The following PPARGC1A variants were observed in gnomAD, a reference collection of about 807,000 sequenced individuals.
PPARGC1A encodes peroxisome proliferator-activated receptor gamma coactivator 1-alpha.
PPARGC1A carries 25 observed loss-of-function variants against 88.7 expected under a neutral mutation model. That is an observed-to-expected ratio of 0.28 (90% CI 0.21 to 0.39). PPARGC1A has a LOEUF of 0.39. Ranked by LOEUF, PPARGC1A falls within the 10% of genes least tolerant of loss-of-function variation. PPARGC1A has a pLI of 1.00. For synonymous variants in PPARGC1A, 363 were observed against 355.6 expected (o/e 1.02, Z -0.24); for missense variants, 880 against 968.7 (o/e 0.91, Z 1.22).
chr4:24,146,688 C>T, the PPARGC1A span, among the ~76,000 whole-genome samples: 1 of 152,194 alleles, frequency 6.6e-6, no homozygotes. Flanking sequence ...TGATGGCCAA[C>T]ACCAGACCTT....
At chr4:24,140,582 A>G in the PPARGC1A span, among the ~76,000 whole-genome samples, 1 of 152,186 alleles carries the variant, frequency 6.6e-6, no homozygotes, top group African/African-American at 2.4e-5. Flanking sequence ...CCTAAAAGGA[A>G]TGCCAGGACT....
At position 23,813,821 on chromosome 4, in the gene PPARGC1A, G is replaced by T. The variant is rs1455604163; in HGVS notation, c.1662C>A (p.Pro554=). 4.3e-6 allele frequency: 7 copies of T among 1,613,702 alleles called. No homozygotes were observed. In the African/African-American group the frequency reaches 9.3e-5, roughly 22 times the overall value. Residue 554 remains proline, a synonymous_variant, in exon 8 of 13, where the codon CCC becomes CCA. Coordinates refer to ENST00000264867, the MANE Select transcript of PPARGC1A (RefSeq NM_013261.5). ...NSPCRDSVSP[P]KSLFSQRPQR... ...GGGGTCTTTGAGAAAATAAGGATTT[G>T]GGTGGTGACACAGAATCTCTACATG...
intron 1 of PPARGC1A, among the ~76,000 whole-genome samples, chr4:23,886,563 A>G (rs2148840977): frequency 6.6e-6 from 1 of 152,272 alleles, no homozygotes; most frequent in East Asian, 1.9e-4. Flanking sequence ...CTCTTTCCTT[A>G]TCATTTTATT....
chr4:24,077,626 T>G, the PPARGC1A span, among the ~76,000 whole-genome samples: 458 of 22,924 alleles, frequency 0.02, no homozygotes, highest in Non-Finnish European at 0.027. Flanking sequence ...TGTCTAGGGG[T>G]GTGTGTGTGT....
the PPARGC1A span, among the ~76,000 whole-genome samples, chr4:24,351,364 C>A: frequency 6.9e-6 from 1 of 145,214 alleles, no homozygotes; most frequent in African/African-American, 2.6e-5. Flanking sequence ...ACCACTGTTC[C>A]AGCTTGGACA....
chr4:24,384,893 CT>C, the PPARGC1A span, among the ~76,000 whole-genome samples: 1 of 152,240 alleles, frequency 6.6e-6, no homozygotes, highest in Non-Finnish European at 1.5e-5. Flanking sequence ...CCAAGCAGAC[CT>C]AATAGACATT....
chr4:23,942,171 T>C, the PPARGC1A span, among the ~76,000 whole-genome samples: 2 of 152,098 alleles, frequency 1.3e-5, no homozygotes, highest in Admixed American at 1.3e-4. Context: ...TTGGCAGCAA[T>C]CCATGCATGT....
At chr4:24,245,022 AAAAG>A in the PPARGC1A span, among the ~76,000 whole-genome samples, 1 of 152,218 alleles carries the variant, frequency 6.6e-6, no homozygotes, top group Non-Finnish European at 1.5e-5. Context: ...AGGAAGAAGA[AAAAG>A]AAAAAAAAGA....
At chr4:24,024,610 C>T in the PPARGC1A span, among the ~76,000 whole-genome samples, 2 of 152,310 alleles carry the variant, frequency 1.3e-5, no homozygotes, top group South Asian at 2.1e-4. Context: ...ATCATCCTGT[C>T]CAGGTCTTTC....
chr4:23,950,368 G>A, the PPARGC1A span, among the ~76,000 whole-genome samples: 3 of 151,954 alleles, frequency 2.0e-5, no homozygotes, highest in African/African-American at 7.3e-5. Flanking sequence ...TGACAAAAAG[G>A]TACATCATTT....
the PPARGC1A span, among the ~76,000 whole-genome samples, chr4:24,211,722 A>G: frequency 6.6e-6 from 1 of 152,212 alleles, no homozygotes; most frequent in South Asian, 2.1e-4. Context: ...CCTCCATCTC[A>G]TCTGTAAAAT....
chr4:24,329,509 A>C, the PPARGC1A span, among the ~76,000 whole-genome samples: 1 of 152,010 alleles, frequency 6.6e-6, no homozygotes, highest in African/African-American at 2.4e-5. Context: ...CTCCACCTTC[A>C]GCCTTTGCTT....
chr4:24,001,129 A>T, the PPARGC1A span, among the ~76,000 whole-genome samples: 1 of 152,338 alleles, frequency 6.6e-6, no homozygotes, highest in Admixed American at 6.5e-5. Flanking sequence ...ATAGAAAAGG[A>T]AAATCCATAT....
At chr4:24,381,789 T>C in the PPARGC1A span, among the ~76,000 whole-genome samples, 1 of 152,248 alleles carries the variant, frequency 6.6e-6, no homozygotes, top group Non-Finnish European at 1.5e-5. Context: ...AAATTAGCTA[T>C]ACAACTCTTT....
chr4:24,046,783 T>A, the PPARGC1A span, among the ~76,000 whole-genome samples: 1 of 152,126 alleles, frequency 6.6e-6, no homozygotes, highest in African/African-American at 2.4e-5. Context: ...ACGCACTATT[T>A]CCAACATGTT....
At chr4:24,429,268 TCACACACATGCAA>T in the PPARGC1A span, among the ~76,000 whole-genome samples, 1 of 152,108 alleles carries the variant, frequency 6.6e-6, no homozygotes, top group Non-Finnish European at 1.5e-5. Flanking sequence ...TCCCTCTGTT[TCACACACATGCAA>T]CACACACACA....
chr4:23,873,213 A>AAG (rs1299377463), intron 2 of PPARGC1A, among the ~76,000 whole-genome samples: 8 of 146,922 alleles, frequency 5.4e-5, no homozygotes, highest in Middle Eastern at 3.5e-3. Flanking sequence ...TAAAAAATAA[A>AAG]AAATAAAAAA....
the PPARGC1A span, among the ~76,000 whole-genome samples, chr4:24,065,200 G>C: frequency 6.6e-6 from 1 of 152,118 alleles, no homozygotes; most frequent in Non-Finnish European, 1.5e-5. Context: ...GTCCCTTCTA[G>C]GTCCCTGCAT....
the PPARGC1A span, among the ~76,000 whole-genome samples, chr4:24,373,647 G>A: frequency 6.6e-6 from 1 of 152,282 alleles, no homozygotes; most frequent in African/African-American, 2.4e-5. Flanking sequence ...CAAGGAACAA[G>A]GTTGTGGGTG....
Sources: allele counts gnomAD v4.1 joint callset (sites outside exome capture counted in the v4.1 genomes callset), GRCh38; gene constraint gnomAD v4.1.1; transcripts MANE v1.5; gene names NCBI Gene and HGNC (gene_info 2026-07-23, HGNC 2026-07-21).